The following COL5A1 variants were observed in gnomAD, a reference collection of about 807,000 sequenced individuals.
COL5A1 encodes collagen alpha-1(V) chain.
COL5A1 carries 16 observed loss-of-function variants against 263.7 expected under a neutral mutation model. The ratio of observed to expected loss-of-function variants is 0.06; its 90% CI spans 0.04 to 0.09. COL5A1 has a LOEUF of 0.09. COL5A1 is among the 10% of genes least tolerant of loss of function. The pLI, the probability that COL5A1 is intolerant of heterozygous loss-of-function variation, is 1.00. For missense variants in COL5A1, 2,036 were observed against 2,540.5 expected (o/e 0.80, Z 4.27); for synonymous variants, 1,012 against 1,004.5 (o/e 1.01, Z -0.14).
At position 134,750,313 on chromosome 9, in the gene COL5A1, C is replaced by G. The variant is rs373240551; in HGVS notation, c.1495-229C>G. 7.2e-5 allele frequency among the ~76,000 whole-genome samples: 11 copies of G among 152,306 alleles called. No homozygotes were observed. The East Asian group carries it at 1.7e-3, about 24-fold the overall frequency. The stretch of plus-strand genomic sequence containing the variant: ...CTCTATATCCAGCTCAGACCTCCCT[C>G]CCTTCTTATCCCTCCCTCCAAAGCC... On this transcript the variant is annotated intron_variant, in intron 11 of 65. Coordinates refer to ENST00000371817, the MANE Select transcript of COL5A1 (RefSeq NM_000093.5).
At position 134,812,951 on chromosome 9, in the gene COL5A1, G is replaced by C. The variant is rs995671255; in HGVS notation, c.3852+239G>C. On this transcript the variant is annotated intron_variant, in intron 48 of 65. Coordinates refer to ENST00000371817, the MANE Select transcript of COL5A1 (RefSeq NM_000093.5). Reference sequence around the variant, plus strand: ...AATGTAGGCAGATGCTTGTGAAATGGAACTGGGAACTCTGACTGTCCATTT... The same window carrying C: ...AATGTAGGCAGATGCTTGTGAAATGCAACTGGGAACTCTGACTGTCCATTT... Among the ~76,000 whole-genome samples, 3 of 152,164 alleles carry C rather than the reference G, an allele frequency of 2.0e-5. No homozygotes were observed. In the South Asian group the frequency reaches 6.2e-4, roughly 32 times the overall value.
intron 31 of COL5A1, among the ~76,000 whole-genome samples, chr9:134,787,604 C>T (rs1255818121): frequency 6.6e-6 from 1 of 152,230 alleles, no homozygotes; most frequent in Non-Finnish European, 1.5e-5. Context: ...TCCCTAAATC[C>T]ATCTCTGGTC....
intron 1 of COL5A1, among the ~76,000 whole-genome samples, chr9:134,644,584 A>G (rs1831415061): frequency 2.7e-5 from 2 of 74,314 alleles, no homozygotes; most frequent in Non-Finnish European, 5.1e-5. Flanking sequence ...CTGGAGAGGC[A>G]GGCGCGGGGG....
intron 18 of COL5A1, among the ~76,000 whole-genome samples, chr9:134,759,842 GCACACCCCCA>G (rs1564438841): frequency 1.1e-4 from 1 of 9,496 alleles, no homozygotes; most frequent in African/African-American, 6.9e-4. Flanking sequence ...CCCCACTCAC[GCACACCCCCA>G]CACCCCCACA....
intron 52 of COL5A1, among the ~76,000 whole-genome samples, chr9:134,816,677 C>T (rs1292515136): frequency 6.6e-6 from 1 of 152,256 alleles, no homozygotes; most frequent in Non-Finnish European, 1.5e-5. Context: ...CGGCCTGTGT[C>T]CTGGGACGAT....
chr9:134,767,117 C>G lies in COL5A1; in HGVS notation c.2187+64C>G, dbSNP rs1253323736. On this transcript the variant is annotated intron_variant, in intron 23 of 65. Transcript: ENST00000371817. ...CCGTGGGAGGCACACGTCTCCAGTC[C>G]GGAGCCCTGGGAGGAAGCGGGGAGC... 3.2e-6 allele frequency: 5 copies of G among 1,570,240 alleles called. No individual in the cohort carries two copies. In the African/African-American group the frequency reaches 4.0e-5, roughly 13 times the overall value.
intron 1 of COL5A1, among the ~76,000 whole-genome samples, chr9:134,643,059 C>T (rs1183295479): frequency 6.6e-6 from 1 of 152,212 alleles, no homozygotes; most frequent in Non-Finnish European, 1.5e-5. Flanking sequence ...TGTGGGATTC[C>T]TTCTGCCAAG....
rs1441992711 is a variant in COL5A1 at position 134,821,575 on chromosome 9, CAGT to C, written c.4555-521_4555-519del. ...CCAGCAGCTCAGTCTGGGAGGGAGT[CAGT>C]GGGGAGAAGGGGTCTGAGCGGAGGT... On this transcript the variant is annotated intron_variant, in intron 58 of 65. Transcript: ENST00000371817. This position sits in a 1 kb window ranked among gnomAD's most constrained non-coding sequence, Gnocchi z 4.2. Among the ~76,000 whole-genome samples the C allele has an allele frequency of 6.6e-6, 1 of 152,102 alleles. No homozygotes were observed. Among genetic ancestry groups the C allele is most frequent in the Non-Finnish European group, 1.5e-5 (1 of 68,016 alleles).
rs1266227534 is a variant in COL5A1 at position 134,755,245 on chromosome 9, G to A, written c.1827+919G>A. ...GGTAGACAATTGGGCCATTTATTTGGATCTGATTCTGAAAAATGTTTTATT... is the reference window on the plus strand; with the variant it reads ...GGTAGACAATTGGGCCATTTATTTGAATCTGATTCTGAAAAATGTTTTATT... On this transcript the variant is annotated intron_variant, in intron 16 of 65. Transcript: ENST00000371817. The surrounding 1 kb of genome is among the most constrained non-coding windows in gnomAD (Gnocchi z 4.1). Among the ~76,000 whole-genome samples the A allele has an allele frequency of 1.3e-5, 2 of 152,166 alleles. No individual in the cohort carries two copies. Among genetic ancestry groups the A allele is most frequent in the African/African-American group, 4.8e-5 (2 of 41,424 alleles).
chr9:134,721,724 G>C (rs917129447), intron 4 of COL5A1, among the ~76,000 whole-genome samples: 2 of 152,234 alleles, frequency 1.3e-5, no homozygotes, highest in Non-Finnish European at 2.9e-5. Flanking sequence ...GCGCTAGCTC[G>C]TGCAGCCATG....
chr9:134,788,905 C>T lies in COL5A1; in HGVS notation c.2647-250C>T, dbSNP rs377726116. On this transcript the variant is annotated intron_variant, in intron 31 of 65. Coordinates refer to ENST00000371817, the MANE Select transcript of COL5A1 (RefSeq NM_000093.5). ...ATGAATGGGTGGGTGGGTGGGTAGACAGGTAGACGGATGAATGGGTAGGTG... is the reference window on the plus strand; with the variant it reads ...ATGAATGGGTGGGTGGGTGGGTAGATAGGTAGACGGATGAATGGGTAGGTG... Among the ~76,000 whole-genome samples, 915 of 131,806 alleles carry T rather than the reference C, an allele frequency of 6.9e-3. 20 individuals are homozygous for T. Among genetic ancestry groups the T allele is most frequent in the African/African-American group, 0.026 (878 of 34,080 alleles). The allele number at this position is 131,806 out of a possible 152,430, so 86.5% of individuals were successfully genotyped here. A position where few individuals can be genotyped will look rare whatever the true frequency, so the allele number is the denominator to read the frequency against.
intron 1 of COL5A1, among the ~76,000 whole-genome samples, chr9:134,643,747 G>A (rs1781200948): frequency 6.6e-6 from 1 of 152,188 alleles, no homozygotes; most frequent in Non-Finnish European, 1.5e-5. Flanking sequence ...GGAAGGTGTG[G>A]TCAGGGACTG....
rs1208777494 is a variant in COL5A1 at position 134,825,803 on chromosome 9, G to C, written c.4966G>C (p.Val1656Leu). ...TCTCTGAAATCCAGGTGAATACTGG[G>C]TCGATCCTAACCAAGGATGCTCCAG... ...HPDFPDGEYW[V>L]DPNQGCSRDS... is the part of the protein sequence containing the mutation. The change falls in exon 63 of 66, where the codon GTC becomes CTC. Residue 1656 changes from valine (V) to leucine (L), a missense_variant. Physicochemically the swap from Val to Leu is conservative, Grantham distance 32. Around this residue, in one of 3 missense-constraint regions of COL5A1, gnomAD observed 358 missense variants for 384.6 expected, o/e 0.93. Transcript: ENST00000371817. The C allele has an allele frequency of 6.2e-7, 1 of 1,611,770 alleles. No individual in the cohort carries two copies. The highest frequency in any genetic ancestry group is 8.5e-7 in the Non-Finnish European group (1 of 1,178,342).
intron 39 of COL5A1, among the ~76,000 whole-genome samples, chr9:134,804,667 T>C (rs920451532): frequency 1.3e-5 from 2 of 152,164 alleles, no homozygotes; most frequent in Non-Finnish European, 2.9e-5. Context: ...CAGGCTGTGC[T>C]CCCACGTGTG....
chr9:134,648,051 G>A (rs1021496764), intron 1 of COL5A1, among the ~76,000 whole-genome samples: 1 of 152,038 alleles, frequency 6.6e-6, no homozygotes. Flanking sequence ...TAATCGGGAG[G>A]GCACAATCTA....
intron 59 of COL5A1, chr9:134,822,773 C>A: frequency 1.6e-6 from 1 of 622,172 alleles, no homozygotes; most frequent in Non-Finnish European, 2.9e-6. Flanking sequence ...GGGTGGTAGG[C>A]TGGCCGGGGG....
rs1301149874 is a variant in COL5A1, at chr9:134,794,047, G to A, written c.2701-1035G>A. Among the ~76,000 whole-genome samples the A allele has an allele frequency of 6.6e-6, 1 of 152,206 alleles. No homozygotes were observed. The highest frequency in any genetic ancestry group is 1.9e-4 in the East Asian group (1 of 5,194). On this transcript the variant is annotated intron_variant, in intron 32 of 65. Coordinates refer to ENST00000371817, the MANE Select transcript of COL5A1 (RefSeq NM_000093.5). The surrounding 1 kb of genome is among the most constrained non-coding windows in gnomAD (Gnocchi z 4.3). ...GAGCATCAGAAACCAGTCAAGTTCA[G>A]CCAGGCACGGTGGCTCACGCTTGTA...
chr9:134,743,291 G>C (rs528277944), intron 11 of COL5A1, among the ~76,000 whole-genome samples: 7 of 152,186 alleles, frequency 4.6e-5, no homozygotes, highest in Non-Finnish European at 1.0e-4. Flanking sequence ...CAGTCCACTG[G>C]AGAGTTTAAC....
chr9:134,750,692 G>C (rs1353401910), intron 12 of COL5A1, 76 bp downstream of exon 12: 1 of 1,593,732 alleles, frequency 6.3e-7, no homozygotes, highest in South Asian at 1.1e-5. Context: ...CTGAGGCTGC[G>C]CTGTCACTGG....
Sources: allele counts gnomAD v4.1 joint callset (sites outside exome capture counted in the v4.1 genomes callset), GRCh38; gene constraint gnomAD v4.1.1; regional missense constraint gnomAD v4.1.1; non-coding constraint Gnocchi (gnomAD v3.1); transcripts MANE v1.5; gene names NCBI Gene and HGNC (gene_info 2026-07-23, HGNC 2026-07-21).